The following KAT6B variants were observed in gnomAD, a reference collection of about 807,000 sequenced individuals.
The protein encoded by KAT6B is histone acetyltransferase KAT6B.
A neutral mutation model predicts 187.5 loss-of-function variants in KAT6B; 10 were observed. The ratio of observed to expected loss-of-function variants is 0.05; its 90% confidence interval spans 0.03 to 0.09. The LOEUF (loss-of-function observed/expected upper bound fraction) is 0.09, where lower values mean the gene tolerates loss of function less well. KAT6B is among the 10% of genes least tolerant of loss of function. The pLI is 1.00. For synonymous variants in KAT6B, 861 were observed against 926.8 expected (o/e 0.93, Z 1.29); for missense variants, 1,952 against 2,558.9 (o/e 0.76, Z 5.12).
chr10:74,855,215 C>A (rs879178129), intron 3 of KAT6B, among the ~76,000 whole-genome samples: 2 of 152,140 alleles, frequency 1.3e-5, no homozygotes, highest in East Asian at 1.9e-4. Context: ...AGCAGTGAGG[C>A]CTGCAGGAAG....
intron 7 of KAT6B, among the ~76,000 whole-genome samples, chr10:74,972,918 C>T (rs1223060403): frequency 6.6e-6 from 1 of 152,140 alleles, no homozygotes; most frequent in Non-Finnish European, 1.5e-5. Flanking sequence ...TGGAAACAGT[C>T]ATTCAGCCTA....
rs1168390902 is a variant in KAT6B, at chr10:75,031,386, T to C, written c.*340T>C. ...GTGGATATCAAGCCCCCCCAAATTA[T>C]CTGTTTTAATATTGAACCTAGAGCT... On this transcript the variant is annotated 3_prime_UTR_variant, in exon 18 of 18. Coordinates refer to ENST00000287239, the MANE Select transcript of KAT6B (RefSeq NM_012330.4). The C allele has an allele frequency of 1.5e-5, 6 of 402,600 alleles. No individual in the cohort carries two copies. The highest frequency in any genetic ancestry group is 8.5e-5 in the East Asian group (2 of 23,442). 24.9% of individuals were successfully genotyped at this position (402,600 alleles called of 1,614,324 possible).
intron 3 of KAT6B, among the ~76,000 whole-genome samples, chr10:74,886,513 A>G (rs1177618858): frequency 6.6e-6 from 1 of 152,324 alleles, no homozygotes; most frequent in East Asian, 1.9e-4. Context: ...TAGATAAGCC[A>G]GAGTATTTAA....
At chr10:74,849,299 CT>C (rs11382578) in intron 3 of KAT6B, among the ~76,000 whole-genome samples, 81 of 145,258 alleles carry the variant, frequency 5.6e-4, no homozygotes, top group Non-Finnish European at 5.6e-4. Flanking sequence ...TAACTAATGA[CT>C]TTTTTTTTTT....
chr10:74,985,263 C>A (rs1196446886), intron 12 of KAT6B, 22 bp downstream of exon 12: 2 of 1,612,664 alleles, frequency 1.2e-6, no homozygotes, highest in East Asian at 4.5e-5. Flanking sequence ...GCCAGCATGA[C>A]CTTCATTTTC....
intron 3 of KAT6B, among the ~76,000 whole-genome samples, chr10:74,956,901 T>C (rs550478103): frequency 6.6e-6 from 1 of 152,358 alleles, no homozygotes; most frequent in Admixed American, 6.5e-5. Flanking sequence ...TATTCAGGCA[T>C]GTTGTTGGGA....
At chr10:74,997,713 C>T (rs1482804072) in intron 13 of KAT6B, among the ~76,000 whole-genome samples, 1 of 152,084 alleles carries the variant, frequency 6.6e-6, no homozygotes, top group Non-Finnish European at 1.5e-5. Flanking sequence ...AAAATGGACA[C>T]CTTATTTACA....
intron 3 of KAT6B, among the ~76,000 whole-genome samples, chr10:74,875,356 T>A (rs906264270): frequency 2.0e-5 from 3 of 152,224 alleles, no homozygotes; most frequent in African/African-American, 7.2e-5. Context: ...CTAGTTCTTA[T>A]GTGTAGCACA....
chr10:74,890,626 T>G (rs930666884), intron 3 of KAT6B, among the ~76,000 whole-genome samples: 6 of 152,152 alleles, frequency 3.9e-5, no homozygotes, highest in African/African-American at 1.4e-4. Context: ...ACACGTCTAT[T>G]AAAGGGAAGC....
chr10:74,897,802 G>A (rs967814343), intron 3 of KAT6B, among the ~76,000 whole-genome samples: 4 of 152,130 alleles, frequency 2.6e-5, no homozygotes, highest in Non-Finnish European at 4.4e-5. Context: ...AACTGCTTAC[G>A]CTCAGTAAAT....
At chr10:74,830,350 A>G (rs2131926224) in intron 1 of KAT6B, among the ~76,000 whole-genome samples, 1 of 152,248 alleles carries the variant, frequency 6.6e-6, no homozygotes, top group East Asian at 1.9e-4. Flanking sequence ...GAGCATTCCT[A>G]TACCTGTCAT....
In KAT6B at chr10:74,937,151, C is replaced by G. The variant is rs549607294; in HGVS notation, c.622-22819C>G. ...GGCAGTGAGTTAAAGTGCCCCTGCTCAGATCGGGTTACTCCACAGGGCTTT... is the reference window on the plus strand; with the variant it reads ...GGCAGTGAGTTAAAGTGCCCCTGCTGAGATCGGGTTACTCCACAGGGCTTT... On this transcript the variant is annotated intron_variant, in intron 3 of 17. Coordinates refer to ENST00000287239, the MANE Select transcript of KAT6B (RefSeq NM_012330.4). Among the ~76,000 whole-genome samples the G allele has an allele frequency of 2.0e-3, 298 of 152,216 alleles. 16 individuals carry two copies. The highest frequency in any genetic ancestry group is 1.1e-3 in the Admixed American group (17 of 15,286).
At chr10:74,832,234 G>C (rs1466738695) in intron 1 of KAT6B, among the ~76,000 whole-genome samples, 2 of 152,142 alleles carry the variant, frequency 1.3e-5, no homozygotes, top group Non-Finnish European at 2.9e-5. Context: ...ATTTTTCAGG[G>C]TATCTGGATA....
In KAT6B at chr10:74,843,145, A is replaced by T. The variant is rs1328906909; in HGVS notation, c.288A>T (p.Arg96Ser). ...TTCCTAAGTCAGCCAAGGGGTCTAGAGGATCATGTAATGATCTCCGCAATG... is the reference window on the plus strand; with the variant it reads ...TTCCTAAGTCAGCCAAGGGGTCTAGTGGATCATGTAATGATCTCCGCAATG... ...GTFPKSAKGS[R>S]GSCNDLRNVD... The change falls in exon 3 of 18, where the codon AGA becomes AGT. Residue 96 changes from arginine to serine, a missense_variant. Physicochemically the swap from Arg to Ser is moderately radical, Grantham distance 110. Around this residue, in one of 9 missense-constraint regions of KAT6B, gnomAD observed 218 missense variants for 282.6 expected, o/e 0.77. Coordinates refer to ENST00000287239, the MANE Select transcript of KAT6B (RefSeq NM_012330.4). 1 of 1,614,214 alleles carries T rather than the reference A, an allele frequency of 6.2e-7. No individual in the cohort carries two copies. Among genetic ancestry groups the T allele is most frequent in the Non-Finnish European group, 8.5e-7 (1 of 1,180,026 alleles).
intron 3 of KAT6B, among the ~76,000 whole-genome samples, chr10:74,885,734 CTTTT>C (rs149580820): frequency 1.5e-5 from 2 of 135,540 alleles, no homozygotes; most frequent in Admixed American, 7.5e-5. Context: ...AGGAGAAGTT[CTTTT>C]TTTTTTTTTT....
chr10:74,997,649 C>A (rs11001239), intron 13 of KAT6B, among the ~76,000 whole-genome samples: 12,157 of 152,118 alleles, frequency 0.08, 648 homozygotes, highest in South Asian at 0.27. Flanking sequence ...CAATTTTTTG[C>A]CTACCACACT....
chr10:74,904,685 G>T (rs746949732), intron 3 of KAT6B, among the ~76,000 whole-genome samples: 2 of 152,184 alleles, frequency 1.3e-5, no homozygotes, highest in Non-Finnish European at 2.9e-5. Flanking sequence ...CAGTCTTTGG[G>T]AGTCCAGGCT....
chr10:75,028,775 C>G lies in KAT6B; in HGVS notation c.3951C>G (p.Ala1317=). 1.9e-6 allele frequency: 3 copies of G among 1,614,064 alleles called. No individual in the cohort carries two copies. The highest frequency in any genetic ancestry group is 2.5e-6 in the Non-Finnish European group (3 of 1,180,024). ...IEEEVKETGE[A]LLPQEENRRE... ...AGGAGGTCAAGGAAACTGGGGAAGC[C>G]CTGTTGCCTCAAGAGGAAAACAGAA... The change falls in exon 18 of 18, where the codon GCC becomes GCG. Residue 1317 remains alanine, a synonymous_variant. Coordinates refer to ENST00000287239, the MANE Select transcript of KAT6B (RefSeq NM_012330.4).
intron 6 of KAT6B, among the ~76,000 whole-genome samples, chr10:74,971,179 A>G (rs116899848): frequency 1.6e-4 from 24 of 152,302 alleles, no homozygotes; most frequent in African/African-American, 2.4e-4. Flanking sequence ...ACTCTAATTT[A>G]TTTAACCAGT....
Sources: gnomAD v4.1 joint callset for allele counts (sites outside exome capture counted in the v4.1 genomes callset) on GRCh38, gnomAD v4.1.1 for gene constraint, gnomAD v4.1.1 regional missense constraint, MANE v1.5 for transcripts, NCBI Gene and HGNC (gene_info 2026-07-23, HGNC 2026-07-21) for gene names.